MDGA2: variants seen among roughly 807,000 people sequenced by gnomAD.
The protein encoded by MDGA2 is MAM domain containing glycosylphosphatidylinositol anchor 2.
In MDGA2, 40 loss-of-function variants were observed where a neutral mutation model predicts 117.8. The observed-to-expected ratio is 0.34, with a 90% confidence interval of 0.26 to 0.44. The LOEUF (loss-of-function observed/expected upper bound fraction) is 0.44, where lower values mean the gene tolerates loss of function less well. Ranked by LOEUF, MDGA2 falls within the 20% of genes least tolerant of loss-of-function variation. The pLI is 1.00. For synonymous variants in MDGA2, 452 were observed against 439.0 expected, an observed-to-expected ratio of 1.03 and a Z score of -0.37; for missense variants, 1,123 against 1,250.6, an observed-to-expected ratio of 0.90 and a Z score of 1.54.
chr14:47,335,734 T>TTATATATATA (rs1555374514), intron 1 of MDGA2, among the ~76,000 whole-genome samples: 22 of 47,960 alleles, frequency 4.6e-4, no homozygotes, highest in Admixed American at 7.2e-4. Context: ...CACATATATT[T>TTATATATATA]TATATATATA....
At chr14:46,921,809 T>A (rs1011549900) in intron 9 of MDGA2, among the ~76,000 whole-genome samples, 2 of 152,070 alleles carry the variant, frequency 1.3e-5, no homozygotes, top group African/African-American at 4.8e-5. Flanking sequence ...AAAATACACA[T>A]CCAATACCTA....
At chr14:47,427,269 C>T (rs573108551) in intron 1 of MDGA2, among the ~76,000 whole-genome samples, 45 of 152,242 alleles carry the variant, frequency 3.0e-4, no homozygotes, top group Admixed American at 7.9e-4. Flanking sequence ...CCCACATCCA[C>T]CTCCAAAGCT....
intron 1 of MDGA2, among the ~76,000 whole-genome samples, chr14:47,571,399 A>T (rs1896016802): frequency 1.3e-5 from 2 of 152,224 alleles, no homozygotes; most frequent in Non-Finnish European, 2.9e-5. Flanking sequence ...CAATCCCATT[A>T]CTGGGTATAT....
chr14:47,360,195 T>C (rs964960765), intron 1 of MDGA2, among the ~76,000 whole-genome samples: 1 of 151,684 alleles, frequency 6.6e-6, no homozygotes, highest in South Asian at 2.1e-4. Flanking sequence ...CTACTAAAAA[T>C]ACAAAATTAG....
chr14:47,456,294 C>CTT (rs56176876), intron 1 of MDGA2, among the ~76,000 whole-genome samples: 93,078 of 140,430 alleles, frequency 0.66, 31,142 homozygotes, highest in East Asian at 0.97. Context: ...AATTGTTTAC[C>CTT]TTTTTTTTTT....
At chr14:47,591,210 G>C (rs1896432774) in intron 1 of MDGA2, among the ~76,000 whole-genome samples, 1 of 152,020 alleles carries the variant, frequency 6.6e-6, no homozygotes, top group Non-Finnish European at 1.5e-5. Flanking sequence ...TGAAAATTCA[G>C]GTTTAAATTC....
intron 1 of MDGA2, among the ~76,000 whole-genome samples, chr14:47,508,159 C>T (rs895736613): frequency 1.3e-5 from 2 of 152,160 alleles, no homozygotes; most frequent in Non-Finnish European, 2.9e-5. Context: ...TTCAAATATT[C>T]GAAGAAAGTT....
chr14:47,506,373 C>G (rs768134983), intron 1 of MDGA2, among the ~76,000 whole-genome samples: 1 of 152,158 alleles, frequency 6.6e-6, no homozygotes, highest in African/African-American at 2.4e-5. Flanking sequence ...TTGTTCACAC[C>G]CAGATATGGC....
intron 2 of MDGA2, among the ~76,000 whole-genome samples, chr14:47,249,219 A>G (rs999259840): frequency 6.6e-6 from 1 of 151,442 alleles, no homozygotes; most frequent in Non-Finnish European, 1.5e-5. Flanking sequence ...GGATTTCACC[A>G]TGTTAGCCAA....
intron 8 of MDGA2, among the ~76,000 whole-genome samples, chr14:46,989,703 T>C (rs1183361958): frequency 6.6e-6 from 1 of 152,108 alleles, no homozygotes; most frequent in South Asian, 2.1e-4. Flanking sequence ...CAGATTGAAC[T>C]ATATACAGGC....
chr14:47,587,050 G>T (rs1202491556), intron 1 of MDGA2, among the ~76,000 whole-genome samples: 2 of 151,734 alleles, frequency 1.3e-5, no homozygotes, highest in Non-Finnish European at 2.9e-5. Context: ...AATAATGAAG[G>T]CATCAGGACC....
intron 2 of MDGA2, among the ~76,000 whole-genome samples, chr14:47,259,255 T>G (rs1038754486): frequency 6.6e-6 from 1 of 152,072 alleles, no homozygotes; most frequent in South Asian, 2.1e-4. Context: ...TCTCATCAAA[T>G]CTTTCTGAAG....
chr14:46,864,066 T>TCCCCCCC (rs1881622923), intron 14 of MDGA2, among the ~76,000 whole-genome samples: 1 of 48,862 alleles, frequency 2.0e-5, no homozygotes, highest in Non-Finnish European at 4.4e-5. Context: ...CCCTCCCCCC[T>TCCCCCCC]CCCCCCACCC....
At chr14:47,648,949 ACCT>A (rs1897587259) in intron 1 of MDGA2, among the ~76,000 whole-genome samples, 1 of 152,174 alleles carries the variant, frequency 6.6e-6, no homozygotes, top group Admixed American at 6.5e-5. Context: ...CATCAATTGT[ACCT>A]ACAGCTATCA....
chr14:46,973,977 G>A (rs761802681), intron 8 of MDGA2, among the ~76,000 whole-genome samples: 1 of 150,834 alleles, frequency 6.6e-6, no homozygotes. Context: ...GGACTTAAGT[G>A]ATCCTCCTGC....
rs773040690 is a variant in MDGA2, at chr14:47,035,248, C to G, written c.1582G>C (p.Asp528His). 1 of 1,614,098 alleles carries G rather than the reference C, an allele frequency of 6.2e-7. No individual in the cohort carries two copies. The highest frequency in any genetic ancestry group is 1.1e-5 in the South Asian group (1 of 91,078). The change falls in exon 8 of 17, where the codon GAC becomes CAC. Residue 528 changes from aspartate (D) to histidine (H), a missense_variant. By Grantham distance (81) the Asp-to-His change is moderately conservative. This residue lies in a region of MDGA2 where 890 missense variants were observed against 1,050.3 expected (regional missense o/e 0.85). Transcript: ENST00000399232. ...EKSPLVTREGDTIELQCQVTG... is the reference protein window; with the variant it reads ...EKSPLVTREGHTIELQCQVTG... The stretch of plus-strand genomic sequence containing the variant: ...ACTTGACATTGCAGTTCTATTGTGT[C>G]TCCTTCTCTGGTGACCAATGGTGAT...
rs144842082 is a variant in MDGA2 at position 47,549,668 on chromosome 14, T to C, written c.280+124849A>G. On this transcript the variant is annotated intron_variant, in intron 1 of 16. Transcript: ENST00000399232. ...GGAGATATGGCCTATAAGAATGTAA[T>C]TGAGGTTAAATGAGGTAATAAGGGT... 1.6e-3 allele frequency among the ~76,000 whole-genome samples: 251 copies of C among 152,204 alleles called. 1 individual carries two copies. Among genetic ancestry groups the C allele is most frequent in the African/African-American group, 5.3e-3 (219 of 41,534 alleles).
At chr14:46,879,915 C>A (rs1429193426) in intron 11 of MDGA2, among the ~76,000 whole-genome samples, 1 of 152,130 alleles carries the variant, frequency 6.6e-6, no homozygotes, top group African/African-American at 2.4e-5. Flanking sequence ...TGACAGTATT[C>A]ACTACTTTCC....
intron 1 of MDGA2, among the ~76,000 whole-genome samples, chr14:47,318,872 C>G (rs971580166): frequency 6.6e-6 from 1 of 151,904 alleles, no homozygotes; most frequent in Non-Finnish European, 1.5e-5. Context: ...TGTGCAAACA[C>G]TAACTCTAAT....
Sources: allele counts gnomAD v4.1 joint callset (sites outside exome capture counted in the v4.1 genomes callset), GRCh38; gene constraint gnomAD v4.1.1; regional missense constraint gnomAD v4.1.1; transcripts MANE v1.5; gene names NCBI Gene and HGNC (gene_info 2026-07-23, HGNC 2026-07-21).